The following UBE2N variants were observed in gnomAD, a reference collection of about 807,000 sequenced individuals.
The protein encoded by UBE2N is ubiquitin-conjugating enzyme E2 N.
For synonymous variants in UBE2N, 70 were observed against 69.2 expected (o/e 1.01, Z -0.06); for missense variants, 60 against 192.1 (o/e 0.31, Z 4.07).
intron 1 of UBE2N, among the ~76,000 whole-genome samples, chr12:93,426,776 G>C (rs971427113): frequency 2.6e-5 from 4 of 152,158 alleles, no homozygotes; most frequent in Non-Finnish European, 4.4e-5. Context: ...GACTCTGCCA[G>C]GGGCTCCTAG....
chr12:93,437,478 T>C (rs1857048780), intron 1 of UBE2N, among the ~76,000 whole-genome samples: 1 of 152,078 alleles, frequency 6.6e-6, no homozygotes, highest in Admixed American at 6.5e-5. Flanking sequence ...GTTGCTCTGG[T>C]CTTCTTGTAA....
At chr12:93,432,921 A>G (rs910861259) in intron 1 of UBE2N, among the ~76,000 whole-genome samples, 2 of 138,082 alleles carry the variant, frequency 1.4e-5, no homozygotes, top group Admixed American at 1.7e-4. Context: ...ATTTTAGAAT[A>G]GCTTCATTCA....
At chr12:93,425,103 C>G (rs996827750) in intron 1 of UBE2N, among the ~76,000 whole-genome samples, 6 of 152,166 alleles carry the variant, frequency 3.9e-5, no homozygotes. Flanking sequence ...AGGGTCTGTT[C>G]TTTACATTCT....
At chr12:93,429,260 ACT>A (rs1220984096) in intron 1 of UBE2N, 18 of 397,844 alleles carry the variant, frequency 4.5e-5, no homozygotes, top group Non-Finnish European at 7.3e-5. Flanking sequence ...ACAGAGGGAG[ACT>A]CTGTCTCAAA....
rs1877795835 is a variant in UBE2N at position 93,406,079 on chromosome 12, C to G, written c.*3960G>C. The G allele has an allele frequency of 6.6e-6, 1 of 151,848 alleles. No individual in the cohort carries two copies. The highest frequency in any genetic ancestry group is 1.5e-5 in the Non-Finnish European group (1 of 68,034). The allele number at this position is 151,848 out of a possible 1,614,324, so 9.4% of individuals were successfully genotyped here. On this transcript the variant is annotated 3_prime_UTR_variant, in exon 4 of 4. Coordinates refer to ENST00000318066, the MANE Select transcript of UBE2N (RefSeq NM_003348.4). The stretch of plus-strand genomic sequence containing the variant: ...TCAGGAGATGGAGACCATCCTGGCC[C>G]AACATGGTGAAACCCCGTCTCTACT...
At chr12:93,416,597 C>T (rs1878217827) in intron 1 of UBE2N, among the ~76,000 whole-genome samples, 1 of 152,092 alleles carries the variant, frequency 6.6e-6, no homozygotes, top group African/African-American at 2.4e-5. Flanking sequence ...AGGGTTTCAC[C>T]ATGTTAGCCA....
chr12:93,431,888 C>A (rs1293632258), intron 1 of UBE2N, among the ~76,000 whole-genome samples: 1 of 152,194 alleles, frequency 6.6e-6, no homozygotes, highest in Admixed American at 6.5e-5. Flanking sequence ...CAAAAACTCA[C>A]TCACACTCCC....
intron 1 of UBE2N, among the ~76,000 whole-genome samples, chr12:93,433,823 A>C (rs761885920): frequency 6.6e-6 from 1 of 152,236 alleles, no homozygotes; most frequent in Non-Finnish European, 1.5e-5. Context: ...TGTGTTCAGA[A>C]TCCATACAAC....
At chr12:93,412,424 G>T (rs969620698) in intron 1 of UBE2N, among the ~76,000 whole-genome samples, 3 of 152,196 alleles carry the variant, frequency 2.0e-5, no homozygotes, top group African/African-American at 7.2e-5. Context: ...CTTGGCTAGG[G>T]CCAATCGGTC....
intron 1 of UBE2N, among the ~76,000 whole-genome samples, chr12:93,429,974 G>A (rs1878709731): frequency 6.6e-6 from 1 of 152,110 alleles, no homozygotes; most frequent in Non-Finnish European, 1.5e-5. Flanking sequence ...AAAATTTTTT[G>A]GTGTAGCCTA....
At chr12:93,434,112 G>A (rs543023743) in intron 1 of UBE2N, among the ~76,000 whole-genome samples, 1 of 152,284 alleles carries the variant, frequency 6.6e-6, no homozygotes, top group South Asian at 2.1e-4. Flanking sequence ...CCAACATGGT[G>A]AAACCCGTCT....
rs1176783522 is a variant in UBE2N, at chr12:93,406,095, C to G, written c.*3944G>C. ...ATCCTGGCCCAACATGGTGAAACCCCGTCTCTACTAAAAATACAAAAAATT... is the reference window on the plus strand; with the variant it reads ...ATCCTGGCCCAACATGGTGAAACCCGGTCTCTACTAAAAATACAAAAAATT... On this transcript the variant is annotated 3_prime_UTR_variant, in exon 4 of 4. Transcript: ENST00000318066. The G allele has an allele frequency of 6.6e-6, 1 of 151,828 alleles. No individual in the cohort carries two copies. Among genetic ancestry groups the G allele is most frequent in the Non-Finnish European group, 1.5e-5 (1 of 68,032 alleles). The allele number at this position is 151,828 out of a possible 1,614,324, so 9.4% of individuals were successfully genotyped here. A position where few individuals can be genotyped will look rare whatever the true frequency, so the allele number is the denominator to read the frequency against.
chr12:93,410,958 G>C (rs755289807), intron 2 of UBE2N, 84 bp from the exon 3 acceptor site: 1 of 1,613,392 alleles, frequency 6.2e-7, no homozygotes, highest in Non-Finnish European at 8.5e-7. Flanking sequence ...AGACCTCTCT[G>C]ATCTTTGTAT....
At chr12:93,431,974 C>T (rs1343010667) in intron 1 of UBE2N, among the ~76,000 whole-genome samples, 5 of 152,206 alleles carry the variant, frequency 3.3e-5, no homozygotes, top group Non-Finnish European at 7.3e-5. Flanking sequence ...TGGCTCCTGC[C>T]TGTAATCCCA....
chr12:93,440,282 T>C (rs540636979), intron 1 of UBE2N, among the ~76,000 whole-genome samples: 1 of 152,290 alleles, frequency 6.6e-6, no homozygotes, highest in South Asian at 2.1e-4. Flanking sequence ...GCATTATAAC[T>C]AAAACCACGT....
chr12:93,406,490 G>C lies in UBE2N; in HGVS notation c.*3549C>G, dbSNP rs1446964381. ...GGTTTGTATTTAATCTTATTTTTAAGTGCTTCTTTGAAATTGTTTTACAAG... is the reference window on the plus strand; with the variant it reads ...GGTTTGTATTTAATCTTATTTTTAACTGCTTCTTTGAAATTGTTTTACAAG... On this transcript the variant is annotated 3_prime_UTR_variant, in exon 4 of 4. Transcript: ENST00000318066. 4 of 151,948 alleles carry C rather than the reference G, an allele frequency of 2.6e-5. No homozygotes were observed. The highest frequency in any genetic ancestry group is 7.3e-5 in the African/African-American group (3 of 41,368). 9.4% of individuals were successfully genotyped at this position (151,948 alleles called of 1,614,324 possible).
At chr12:93,434,333 G>A (rs558702419) in intron 1 of UBE2N, among the ~76,000 whole-genome samples, 4 of 152,304 alleles carry the variant, frequency 2.6e-5, no homozygotes, top group African/African-American at 9.6e-5. Context: ...ATTAACACGT[G>A]TGGAAAAAAT....
intron 1 of UBE2N, among the ~76,000 whole-genome samples, chr12:93,438,601 G>A (rs1879006883): frequency 6.6e-6 from 1 of 152,128 alleles, no homozygotes; most frequent in Non-Finnish European, 1.5e-5. Context: ...AGATTCTAAT[G>A]TAAGTGTGAT....
intron 1 of UBE2N, among the ~76,000 whole-genome samples, chr12:93,414,374 C>T (rs865973003): frequency 4.8e-5 from 7 of 145,836 alleles, no homozygotes; most frequent in African/African-American, 1.0e-4. Context: ...GCTTGAACCC[C>T]GGAGGTGGAG....
Sources: gnomAD v4.1 joint callset for allele counts (sites outside exome capture counted in the v4.1 genomes callset) on GRCh38, gnomAD v4.1.1 for gene constraint, MANE v1.5 for transcripts, NCBI Gene and HGNC (gene_info 2026-07-23, HGNC 2026-07-21) for gene names.